GRIN2B: variants seen among roughly 807,000 people sequenced by gnomAD.
The protein encoded by GRIN2B is glutamate receptor ionotropic, NMDA 2B.
A neutral mutation model predicts 114.5 loss-of-function variants in GRIN2B; 5 were observed. That is an observed-to-expected ratio of 0.04 (90% confidence interval 0.02 to 0.09). The LOEUF is 0.09. GRIN2B is among the 10% of genes least tolerant of loss of function. The pLI, the probability that GRIN2B is intolerant of heterozygous loss-of-function variation, is 1.00. For synonymous variants in GRIN2B, 787 were observed against 745.1 expected, an observed-to-expected ratio of 1.06 and a Z score of -0.92; for missense variants, 1,108 against 1,943.5, an observed-to-expected ratio of 0.57 and a Z score of 8.08.
chr12:13,955,662 G>A (rs974560970), intron 2 of GRIN2B, among the ~76,000 whole-genome samples: 1 of 152,048 alleles, frequency 6.6e-6, no homozygotes, highest in Non-Finnish European at 1.5e-5. Flanking sequence ...CACTGGAGCC[G>A]GCTTCTTCAC....
chr12:13,915,062 T>C (rs553413109), intron 2 of GRIN2B, among the ~76,000 whole-genome samples: 1 of 152,286 alleles, frequency 6.6e-6, no homozygotes, highest in Non-Finnish European at 1.5e-5. Flanking sequence ...AATCCAAAAG[T>C]TGCCAGCATA....
chr12:13,748,141 T>A (rs1165928381), intron 4 of GRIN2B, among the ~76,000 whole-genome samples: 1 of 152,162 alleles, frequency 6.6e-6, no homozygotes, highest in Non-Finnish European at 1.5e-5. Flanking sequence ...GAAAGAAGAA[T>A]TTAGGGAAGG....
At chr12:13,972,834 C>T (rs1862953392) in intron 2 of GRIN2B, among the ~76,000 whole-genome samples, 1 of 152,238 alleles carries the variant, frequency 6.6e-6, no homozygotes, top group Non-Finnish European at 1.5e-5. Context: ...AAATTGCACA[C>T]ATTTAATGCA....
chr12:13,566,876 C>T (rs1948647618), intron 13 of GRIN2B, 149 bp downstream of exon 13: 1 of 685,140 alleles, frequency 1.5e-6, no homozygotes, highest in African/African-American at 1.8e-5. Flanking sequence ...AATCATATCA[C>T]ACAAACTCCT....
intron 3 of GRIN2B, among the ~76,000 whole-genome samples, chr12:13,819,812 G>C (rs1864898900): frequency 6.6e-6 from 1 of 152,184 alleles, no homozygotes; most frequent in Non-Finnish European, 1.5e-5. Context: ...GGATTTCAGA[G>C]TGGCAATTAA....
chr12:13,689,950 C>G (rs10845822), intron 4 of GRIN2B, among the ~76,000 whole-genome samples: 114,121 of 151,928 alleles, frequency 0.75, 43,720 homozygotes, highest in Middle Eastern at 0.87. Flanking sequence ...CAATCTGAGG[C>G]CTTCTCCCCT....
At chr12:13,656,856 C>A (rs912937116) in intron 5 of GRIN2B, among the ~76,000 whole-genome samples, 2 of 152,166 alleles carry the variant, frequency 1.3e-5, no homozygotes, top group Non-Finnish European at 2.9e-5. Flanking sequence ...TTTAATCCAA[C>A]CCTCTTGTTT....
intron 5 of GRIN2B, among the ~76,000 whole-genome samples, chr12:13,622,769 T>C (rs1428511509): frequency 6.6e-6 from 1 of 152,180 alleles, no homozygotes; most frequent in African/African-American, 2.4e-5. Flanking sequence ...CCAAGCTCAC[T>C]TTTATAACAA....
chr12:13,857,346 C>A (rs1191878418), intron 3 of GRIN2B, among the ~76,000 whole-genome samples: 1 of 151,736 alleles, frequency 6.6e-6, no homozygotes, highest in Middle Eastern at 3.4e-3. Flanking sequence ...TCTCTAAGTT[C>A]TCAGTGCCTG....
At chr12:13,914,932 G>A (rs1345900668) in intron 2 of GRIN2B, among the ~76,000 whole-genome samples, 1 of 151,968 alleles carries the variant, frequency 6.6e-6, no homozygotes, top group Non-Finnish European at 1.5e-5. Flanking sequence ...GAGGAAAGAG[G>A]GGATAAAGAG....
intron 2 of GRIN2B, among the ~76,000 whole-genome samples, chr12:13,936,700 C>T (rs191506421): frequency 6.6e-6 from 1 of 152,156 alleles, no homozygotes; most frequent in Admixed American, 6.5e-5. Context: ...AAATGTGACA[C>T]AGATTTTGGA....
At chr12:13,950,316 G>A (rs1457579171) in intron 2 of GRIN2B, among the ~76,000 whole-genome samples, 1 of 152,158 alleles carries the variant, frequency 6.6e-6, no homozygotes, top group Non-Finnish European at 1.5e-5. Flanking sequence ...CAGCCCCAAA[G>A]GACTGTAGCA....
At chr12:13,786,390 T>G (rs1386112809) in intron 3 of GRIN2B, among the ~76,000 whole-genome samples, 1 of 152,204 alleles carries the variant, frequency 6.6e-6, no homozygotes, top group Non-Finnish European at 1.5e-5. Flanking sequence ...GGACCACCGA[T>G]GCCTTAAACA....
chr12:13,889,044 G>T (rs1220373830), intron 2 of GRIN2B, among the ~76,000 whole-genome samples: 1 of 152,032 alleles, frequency 6.6e-6, no homozygotes, highest in Non-Finnish European at 1.5e-5. Flanking sequence ...TCTTTTGTAA[G>T]ACAGCTATAG....
At position 13,559,151 on chromosome 12, in the gene GRIN2B, T is replaced by TTAAG. The variant is rs1555100540; in HGVS notation, c.*3628_*3631dup. ...ATTTTACTTGCTTGTTATTCTGGAA[T>TTAAG]TAAGTAACATCTAGATTTTAACAAT... On this transcript the variant is annotated 3_prime_UTR_variant, in exon 14 of 14. Coordinates refer to ENST00000609686, the MANE Select transcript of GRIN2B (RefSeq NM_000834.5). 2 of 152,098 alleles carry TTAAG rather than the reference T, an allele frequency of 1.3e-5. No homozygotes were observed. Among genetic ancestry groups the TTAAG allele is most frequent in the Non-Finnish European group, 2.9e-5 (2 of 68,030 alleles). The allele number at this position is 152,098 out of a possible 1,614,324, so 9.4% of individuals were successfully genotyped here. A position where few individuals can be genotyped will look rare whatever the true frequency, so the allele number is the denominator to read the frequency against.
intron 5 of GRIN2B, among the ~76,000 whole-genome samples, chr12:13,671,328 T>C (rs1482954239): frequency 6.6e-6 from 1 of 152,166 alleles, no homozygotes; most frequent in African/African-American, 2.4e-5. Context: ...GTAGTATCCA[T>C]CACTAGCTGA....
intron 10 of GRIN2B, among the ~76,000 whole-genome samples, chr12:13,606,512 C>G (rs1447080760): frequency 1.3e-5 from 2 of 152,222 alleles, no homozygotes. Context: ...CCCCGTGACC[C>G]AAACACTGGC....
chr12:13,546,491 C>T lies in GRIN2B; in HGVS notation c.*16292G>A, dbSNP rs993538658. The T allele has an allele frequency of 1.8e-4, 27 of 152,192 alleles. 2 individuals carry two copies. The allele number at this position is 152,192 out of a possible 1,614,324, so 9.4% of individuals were successfully genotyped here. On this transcript the variant is annotated 3_prime_UTR_variant, in exon 14 of 14. Coordinates refer to ENST00000609686, the MANE Select transcript of GRIN2B (RefSeq NM_000834.5). The stretch of plus-strand genomic sequence containing the variant: ...CATCTGGATGTGGGTGTCATCGTCT[C>T]TTCACCACCAAACCATTCTACCCCA...
At chr12:13,743,138 A>G (rs1256393680) in intron 4 of GRIN2B, among the ~76,000 whole-genome samples, 3 of 152,158 alleles carry the variant, frequency 2.0e-5, no homozygotes, top group African/African-American at 7.2e-5. Context: ...ACTGCCCACA[A>G]GCTTCTTAGA....
Sources: gnomAD v4.1 joint callset for allele counts (sites outside exome capture counted in the v4.1 genomes callset) on GRCh38, gnomAD v4.1.1 for gene constraint, MANE v1.5 for transcripts, NCBI Gene and HGNC (gene_info 2026-07-23, HGNC 2026-07-21) for gene names.